Variants in ZNF385D observed in about 807,000 individuals in gnomAD.
ZNF385D encodes zinc finger protein 385D.
ZNF385D carries 15 observed loss-of-function variants against 35.8 expected under a neutral mutation model. The observed-to-expected ratio is 0.42, with a 90% CI of 0.28 to 0.64. The LOEUF (loss-of-function observed/expected upper bound fraction) is 0.64. Among genes scored for constraint, ZNF385D ranks in the 30% least tolerant of loss-of-function variants. The pLI, the probability that ZNF385D is intolerant of heterozygous loss-of-function variation, is 0.23. For missense variants in ZNF385D, 474 were observed against 494.6 expected, an observed-to-expected ratio of 0.96 and a Z score of 0.39; for synonymous variants, 212 against 186.8, an observed-to-expected ratio of 1.13 and a Z score of -1.10.
At chr3:21,711,057 T>TTTTTTTTTTTTTTA (rs2068086958) in intron 1 of ZNF385D, among the ~76,000 whole-genome samples, 1 of 143,232 alleles carries the variant, frequency 7.0e-6, no homozygotes. Flanking sequence ...TTTTTTTTTT[T>TTTTTTTTTTTTTTA]TTGAGATGGA....
chr3:21,798,599 C>T (rs1256687541), intron 3 of ZNF385D, among the ~76,000 whole-genome samples: 3 of 152,094 alleles, frequency 2.0e-5, no homozygotes, highest in Non-Finnish European at 2.9e-5. Flanking sequence ...ATTAACTCAG[C>T]GTCAACTAAT....
chr3:21,832,317 G>C (rs570587392), intron 3 of ZNF385D, among the ~76,000 whole-genome samples: 2 of 152,254 alleles, frequency 1.3e-5, no homozygotes, highest in East Asian at 3.9e-4. Context: ...TCATCTGCCC[G>C]TTAAGTATTT....
chr3:21,941,809 G>A (rs1032353004), intron 3 of ZNF385D, among the ~76,000 whole-genome samples: 1 of 134,168 alleles, frequency 7.5e-6, no homozygotes, highest in African/African-American at 2.9e-5. Context: ...TTTAATTTCT[G>A]TGTTATGGCC....
chr3:21,426,423 T>C (rs959833363), intron 5 of ZNF385D, among the ~76,000 whole-genome samples: 1 of 152,194 alleles, frequency 6.6e-6, no homozygotes, highest in African/African-American at 2.4e-5. Context: ...ACTCTGATTG[T>C]CAACCGTTAA....
Position 21,414,974 on chromosome 3 carries a change from C to A in ZNF385D, c.*6240G>T, listed in dbSNP as rs1446986125. 1 of 152,026 alleles carries A rather than the reference C, an allele frequency of 6.6e-6. No individual in the cohort carries two copies. The highest frequency in any genetic ancestry group is 1.9e-4 in the East Asian group (1 of 5,190). The allele number at this position is 152,026 out of a possible 1,614,324, so 9.4% of individuals were successfully genotyped here. ...AAGGGTCTTTATCCAATATTAGTTG[C>A]CCCTAGCCCTAGGGTCCTATACTGA... On this transcript the variant is annotated 3_prime_UTR_variant, in exon 8 of 8. Coordinates refer to ENST00000281523, the MANE Select transcript of ZNF385D (RefSeq NM_024697.3).
At chr3:21,777,936 C>T (rs2071350743) in intron 3 of ZNF385D, among the ~76,000 whole-genome samples, 1 of 151,864 alleles carries the variant, frequency 6.6e-6, no homozygotes, top group Non-Finnish European at 1.5e-5. Context: ...AATTGTCCAG[C>T]TGAAGCAAAC....
intron 3 of ZNF385D, among the ~76,000 whole-genome samples, chr3:22,108,503 C>A (rs1027797372): frequency 6.6e-6 from 1 of 152,016 alleles, no homozygotes; most frequent in Admixed American, 6.6e-5. Context: ...TAATCTTGGC[C>A]ATTTCATGAA....
At chr3:22,171,337 T>A (rs1346719127) in intron 2 of ZNF385D, among the ~76,000 whole-genome samples, 1 of 152,186 alleles carries the variant, frequency 6.6e-6, no homozygotes, top group African/African-American at 2.4e-5. Context: ...GAACATGTGC[T>A]AACAATTTAG....
At chr3:22,014,275 G>A (rs558178581) in intron 3 of ZNF385D, among the ~76,000 whole-genome samples, 68 of 152,170 alleles carry the variant, frequency 4.5e-4, no homozygotes, top group African/African-American at 1.6e-3. Context: ...AATGGCAAAA[G>A]ACTGAATCAC....
chr3:22,202,777 G>C (rs1476923773), intron 2 of ZNF385D, among the ~76,000 whole-genome samples: 4 of 152,102 alleles, frequency 2.6e-5, no homozygotes, highest in Non-Finnish European at 5.9e-5. Context: ...GTGGGACTTT[G>C]CATGGGCAGG....
chr3:21,664,590 A>G (rs2066344333), intron 2 of ZNF385D, among the ~76,000 whole-genome samples: 4 of 152,342 alleles, frequency 2.6e-5, no homozygotes, highest in Admixed American at 2.0e-4. Context: ...TTGTTTCAAT[A>G]TGGATGTATA....
chr3:21,732,043 T>G (rs1162264246), intron 1 of ZNF385D, among the ~76,000 whole-genome samples: 625 of 40,284 alleles, frequency 0.016, 175 homozygotes, highest in African/African-American at 0.039. Flanking sequence ...TTTTTTTTTT[T>G]TTTTTTTTTT....
intron 4 of ZNF385D, among the ~76,000 whole-genome samples, chr3:21,462,188 T>G (rs988854532): frequency 6.6e-6 from 1 of 152,180 alleles, no homozygotes; most frequent in African/African-American, 2.4e-5. Flanking sequence ...ACACTACCTT[T>G]TCTAATTTTA....
rs144448871 is a variant in ZNF385D at position 22,338,920 on chromosome 3, C to G, written c.106+33530G>C. On this transcript the variant is annotated intron_variant, in intron 2 of 5. Coordinates refer to the ZNF385D transcript ENST00000494108. ...TTCACCATGTTGGCCAGGCTCGTCT[C>G]GAACTCCTGACCTCAGGTGATCCAC... Among the ~76,000 whole-genome samples, 695 of 151,980 alleles carry G rather than the reference C, an allele frequency of 4.6e-3. 1 individual carries two copies. Among genetic ancestry groups the G allele is most frequent in the African/African-American group, 0.016 (650 of 41,464 alleles).
intron 2 of ZNF385D, among the ~76,000 whole-genome samples, chr3:22,230,024 C>T (rs370215396): frequency 6.6e-6 from 1 of 152,140 alleles, no homozygotes; most frequent in East Asian, 1.9e-4. Flanking sequence ...AACAAGGGTC[C>T]AGTTACTTTA....
At chr3:21,982,070 T>G (rs958699224) in intron 3 of ZNF385D, among the ~76,000 whole-genome samples, 187 of 138,180 alleles carry the variant, frequency 1.4e-3, no homozygotes, top group Non-Finnish European at 2.5e-3. Context: ...CCATTTGAAT[T>G]TTAAAATAGT....
intron 3 of ZNF385D, among the ~76,000 whole-genome samples, chr3:22,160,162 G>A (rs1448378225): frequency 6.6e-6 from 1 of 152,042 alleles, no homozygotes; most frequent in African/African-American, 2.4e-5. Flanking sequence ...AACTGTGAGT[G>A]AAATCTTTTT....
chr3:22,080,599 A>G (rs1241755455), intron 3 of ZNF385D, among the ~76,000 whole-genome samples: 1 of 151,938 alleles, frequency 6.6e-6, no homozygotes, highest in East Asian at 1.9e-4. Flanking sequence ...AAAATTTTAT[A>G]TTTTATATAC....
intron 3 of ZNF385D, among the ~76,000 whole-genome samples, chr3:21,868,556 A>G (rs1365153944): frequency 1.3e-5 from 2 of 152,040 alleles, no homozygotes; most frequent in East Asian, 3.9e-4. Context: ...CTTCCTCGTC[A>G]TCTATTCAGA....
Sources: allele counts gnomAD v4.1 joint callset (sites outside exome capture counted in the v4.1 genomes callset), GRCh38; gene constraint gnomAD v4.1.1; transcripts MANE v1.5; gene names NCBI Gene and HGNC (gene_info 2026-07-23, HGNC 2026-07-21).